FTO: variants seen among roughly 807,000 people sequenced by gnomAD.
The protein encoded by FTO is FTO alpha-ketoglutarate dependent dioxygenase.
FTO carries 47 observed loss-of-function variants against 63.9 expected under a neutral mutation model. That is an observed-to-expected ratio of 0.74 (90% confidence interval 0.58 to 0.94). The LOEUF (loss-of-function observed/expected upper bound fraction) is 0.94, where lower values mean the gene tolerates loss of function less well. Ranked by LOEUF, FTO falls within the 40% of genes least tolerant of loss-of-function variation. FTO has a pLI of 0.00. For synonymous variants in FTO, 207 were observed against 224.4 expected (o/e 0.92, Z 0.69); for missense variants, 562 against 618.1 (o/e 0.91, Z 0.96).
At chr16:54,108,473 C>G (rs1365264706) in intron 8 of FTO, among the ~76,000 whole-genome samples, 1 of 152,106 alleles carries the variant, frequency 6.6e-6, no homozygotes, top group East Asian at 1.9e-4. Flanking sequence ...CAATTTGATT[C>G]AAGCCAGACA....
intron 6 of FTO, among the ~76,000 whole-genome samples, chr16:53,880,850 TC>T (rs1018161100): frequency 1.4e-5 from 2 of 140,524 alleles, no homozygotes; most frequent in Non-Finnish European, 3.0e-5. Flanking sequence ...ACGCCTATAA[TC>T]CCAGCACTTT....
intron 7 of FTO, among the ~76,000 whole-genome samples, chr16:53,922,184 G>A (rs1004790553): frequency 6.6e-6 from 1 of 152,096 alleles, no homozygotes; most frequent in African/African-American, 2.4e-5. Context: ...CAGTTTTAAT[G>A]CTCTCATTTC....
intron 8 of FTO, among the ~76,000 whole-genome samples, chr16:53,947,286 C>T (rs1262780264): frequency 1.3e-5 from 2 of 152,154 alleles, no homozygotes; most frequent in African/African-American, 2.4e-5. Flanking sequence ...AGGCAGGCAG[C>T]GCAGGTGGAT....
At chr16:53,795,464 T>C (rs553055246) in intron 1 of FTO, among the ~76,000 whole-genome samples, 8 of 151,950 alleles carry the variant, frequency 5.3e-5, no homozygotes, top group Non-Finnish European at 1.0e-4. Context: ...TGTGTGTGTG[T>C]GTGCGTGCGT....
intron 7 of FTO, among the ~76,000 whole-genome samples, chr16:53,893,217 T>C (rs893108796): frequency 4.6e-5 from 7 of 152,204 alleles, no homozygotes; most frequent in African/African-American, 1.7e-4. Context: ...TAGTCTGGCC[T>C]TTCCCCTCCT....
chr16:54,026,749 T>C (rs1180219799), intron 8 of FTO, among the ~76,000 whole-genome samples: 1 of 152,120 alleles, frequency 6.6e-6, no homozygotes. Flanking sequence ...GAGAAAAAAG[T>C]AAGTGGAGTG....
intron 3 of FTO, among the ~76,000 whole-genome samples, chr16:53,828,741 T>C (rs945566315): frequency 8.5e-5 from 13 of 152,204 alleles, no homozygotes; most frequent in African/African-American, 3.1e-4. Flanking sequence ...GATTAACTTG[T>C]TCATGGTGAT....
chr16:53,851,916 T>A (rs777561574), intron 4 of FTO, among the ~76,000 whole-genome samples: 1 of 151,964 alleles, frequency 6.6e-6, no homozygotes, highest in Non-Finnish European at 1.5e-5. Flanking sequence ...TGTATTTGCG[T>A]TTTATTCTTT....
chr16:53,912,079 C>T (rs979659427), intron 7 of FTO, among the ~76,000 whole-genome samples: 25 of 152,218 alleles, frequency 1.6e-4, no homozygotes, highest in Non-Finnish European at 1.5e-5. Context: ...CCCAAAGGGA[C>T]AAACATACCT....
At chr16:54,090,320 T>C (rs879287726) in intron 8 of FTO, among the ~76,000 whole-genome samples, 1 of 152,136 alleles carries the variant, frequency 6.6e-6, no homozygotes, top group Non-Finnish European at 1.5e-5. Context: ...ACATAGAATA[T>C]CTAGAATAGG....
intron 8 of FTO, among the ~76,000 whole-genome samples, chr16:54,095,995 G>A (rs550776358): frequency 2.6e-5 from 4 of 152,284 alleles, no homozygotes; most frequent in Middle Eastern, 3.4e-3. Context: ...GTTTATAACC[G>A]ATACATGTGT....
chr16:53,735,659 A>C (rs896534682), intron 1 of FTO, among the ~76,000 whole-genome samples: 1 of 152,250 alleles, frequency 6.6e-6, no homozygotes, highest in Non-Finnish European at 1.5e-5. Flanking sequence ...TTCCAGCAGC[A>C]GCTCAGGAAG....
At chr16:54,111,128 C>G (rs1289858761) in intron 8 of FTO, among the ~76,000 whole-genome samples, 4 of 152,204 alleles carry the variant, frequency 2.6e-5, no homozygotes, top group Non-Finnish European at 4.4e-5. Flanking sequence ...GGGACTAACT[C>G]TTGCTGGCCT....
chr16:53,924,893 A>G (rs2082101074), intron 7 of FTO, among the ~76,000 whole-genome samples: 2 of 152,190 alleles, frequency 1.3e-5, no homozygotes, highest in African/African-American at 4.8e-5. Context: ...AGTCCAGTTT[A>G]GAAAATGTGA....
chr16:53,716,703 G>A (rs1389962470), intron 1 of FTO, among the ~76,000 whole-genome samples: 1 of 151,778 alleles, frequency 6.6e-6, no homozygotes, highest in Non-Finnish European at 1.5e-5. Context: ...TATATGGTAT[G>A]TGAGATAGAG....
intron 1 of FTO, among the ~76,000 whole-genome samples, chr16:53,723,755 G>A (rs1378389254): frequency 6.6e-6 from 1 of 152,218 alleles, no homozygotes; most frequent in Non-Finnish European, 1.5e-5. Flanking sequence ...CATGGTGGAA[G>A]GAGGGAGAGT....
intron 2 of FTO, among the ~76,000 whole-genome samples, chr16:53,816,833 C>T (rs756069492): frequency 9.2e-5 from 14 of 152,194 alleles, no homozygotes; most frequent in Non-Finnish European, 1.6e-4. Flanking sequence ...GTCTGGCTCA[C>T]CTTGCTAGGA....
At chr16:54,070,422 G>A (rs1207052661) in intron 8 of FTO, 1 of 152,100 alleles carries the variant, frequency 6.6e-6, no homozygotes, top group Admixed American at 6.5e-5. Flanking sequence ...CTTTATTCAC[G>A]ATTCTGAACA....
intron 8 of FTO, among the ~76,000 whole-genome samples, chr16:54,067,286 T>C (rs1381786613): frequency 6.6e-6 from 1 of 152,216 alleles, no homozygotes; most frequent in East Asian, 1.9e-4. Context: ...CCAGCCAACA[T>C]GAACAGGTTG....
Sources: gnomAD v4.1 joint callset for allele counts (sites outside exome capture counted in the v4.1 genomes callset) on GRCh38, gnomAD v4.1.1 for gene constraint, MANE v1.5 for transcripts, NCBI Gene and HGNC (gene_info 2026-07-23, HGNC 2026-07-21) for gene names.